MGLL: variants seen among roughly 807,000 people sequenced by gnomAD.
MGLL encodes lysophospholipase homolog.
MGLL carries 7 observed loss-of-function variants against 29.1 expected under a neutral mutation model. That is an observed-to-expected ratio of 0.24 (90% CI 0.14 to 0.45). The LOEUF is 0.45. MGLL is among the 20% of genes least tolerant of loss of function. The pLI, the probability that MGLL is intolerant of heterozygous loss-of-function variation, is 0.99. For synonymous variants in MGLL, 148 were observed against 168.3 expected, an observed-to-expected ratio of 0.88 and a Z score of 0.93; for missense variants, 356 against 413.6, an observed-to-expected ratio of 0.86 and a Z score of 1.21.
chr3:127,812,544 C>A (rs1344820250), intron 2 of MGLL, among the ~76,000 whole-genome samples: 1 of 152,228 alleles, frequency 6.6e-6, no homozygotes, highest in Non-Finnish European at 1.5e-5. Context: ...AGGCTGGAAT[C>A]TGTCAAAAGC....
intron 5 of MGLL, chr3:127,715,827 G>A (rs2075803498): frequency 2.2e-6 from 1 of 456,702 alleles, no homozygotes; most frequent in East Asian, 6.9e-5. Flanking sequence ...AGCACACCAG[G>A]GAAGCCTCAG....
chr3:127,710,466 C>A, intron 6 of MGLL, 110 bp downstream of exon 6: 1 of 1,030,640 alleles, frequency 9.7e-7, no homozygotes, highest in Non-Finnish European at 1.5e-6. Context: ...TCACTTTGCA[C>A]AGGGCCTCGG....
intron 2 of MGLL, among the ~76,000 whole-genome samples, chr3:127,805,758 C>T (rs16835977): frequency 0.011 from 1,637 of 152,302 alleles, 90 homozygotes; most frequent in Admixed American, 0.096. Flanking sequence ...CTGACACTGT[C>T]TATGGCAATA....
intron 3 of MGLL, among the ~76,000 whole-genome samples, chr3:127,752,137 G>T (rs915045513): frequency 2.0e-5 from 3 of 149,246 alleles, no homozygotes; most frequent in Non-Finnish European, 4.4e-5. Context: ...CACTCTTCTT[G>T]CCTAGGCTGG....
chr3:127,769,911 C>T (rs954835325), intron 3 of MGLL, among the ~76,000 whole-genome samples: 2 of 152,164 alleles, frequency 1.3e-5, no homozygotes, highest in South Asian at 2.1e-4. Context: ...CAGTGACCGG[C>T]GCGCGCCATG....
chr3:127,789,680 G>T (rs2077269323), intron 2 of MGLL, among the ~76,000 whole-genome samples: 1 of 151,960 alleles, frequency 6.6e-6, no homozygotes, highest in Non-Finnish European at 1.5e-5. Flanking sequence ...TCCACTCTGG[G>T]TGGCAGAGCA....
intron 2 of MGLL, among the ~76,000 whole-genome samples, chr3:127,782,602 T>C (rs906407995): frequency 6.6e-6 from 1 of 152,162 alleles, no homozygotes; most frequent in Admixed American, 6.5e-5. Context: ...CGGGGGCGAA[T>C]GTGGCAGCAT....
chr3:127,713,502 G>A (rs1366530262), intron 5 of MGLL: 1 of 152,302 alleles, frequency 6.6e-6, no homozygotes, highest in Non-Finnish European at 1.5e-5. Context: ...ATGTAAGCCA[G>A]CTTCCTACCC....
intron 3 of MGLL, among the ~76,000 whole-genome samples, chr3:127,751,870 G>A (rs113696760): frequency 0.022 from 3,379 of 152,314 alleles, 138 homozygotes; most frequent in African/African-American, 0.076. Flanking sequence ...ATGGGCATCT[G>A]GGCTTTCCAA....
chr3:127,788,044 G>A (rs2077243006), intron 2 of MGLL, among the ~76,000 whole-genome samples: 1 of 152,200 alleles, frequency 6.6e-6, no homozygotes, highest in African/African-American at 2.4e-5. Flanking sequence ...ATAGAACAGA[G>A]CCAGTGAAGG....
intron 3 of MGLL, among the ~76,000 whole-genome samples, chr3:127,760,874 C>T (rs964185635): frequency 3.3e-5 from 5 of 152,222 alleles, no homozygotes; most frequent in Non-Finnish European, 5.9e-5. Context: ...TCCATAGGGA[C>T]GTTGCCTGCC....
intron 3 of MGLL, among the ~76,000 whole-genome samples, chr3:127,765,116 C>T (rs2076833847): frequency 6.6e-6 from 1 of 152,244 alleles, no homozygotes; most frequent in Admixed American, 6.5e-5. Context: ...TCCTGAACCA[C>T]AGCAAATAGC....
At chr3:127,788,865 C>A (rs937864270) in intron 2 of MGLL, among the ~76,000 whole-genome samples, 2 of 152,204 alleles carry the variant, frequency 1.3e-5, no homozygotes, top group East Asian at 3.8e-4. Context: ...GCTCCATGAA[C>A]ACTGAATGAA....
At chr3:127,743,823 A>T (rs911565361) in intron 3 of MGLL, among the ~76,000 whole-genome samples, 9 of 152,138 alleles carry the variant, frequency 5.9e-5, no homozygotes, top group African/African-American at 2.2e-4. Flanking sequence ...CCTGGAAAAC[A>T]GTTTGTTTCC....
At chr3:127,731,731 C>G (rs990579622) in intron 3 of MGLL, among the ~76,000 whole-genome samples, 10 of 152,224 alleles carry the variant, frequency 6.6e-5, no homozygotes, top group Non-Finnish European at 2.9e-5. Context: ...CCACAGTTCC[C>G]TCTCCCTCTG....
intron 3 of MGLL, among the ~76,000 whole-genome samples, chr3:127,776,664 G>C (rs1018866964): frequency 6.6e-6 from 1 of 152,212 alleles, no homozygotes; most frequent in South Asian, 2.1e-4. Flanking sequence ...TTGGTCACCA[G>C]ACTCAGGTCC....
At chr3:127,713,114 CCA>C (rs1454255309) in intron 5 of MGLL, 2 of 152,234 alleles carry the variant, frequency 1.3e-5, no homozygotes, top group Non-Finnish European at 2.9e-5. Flanking sequence ...CTTCTGTGTT[CCA>C]CAGTTATGAA....
In MGLL at chr3:127,806,971, T is replaced by C. The variant is rs1256742477; in HGVS notation, c.155+14723A>G. On this transcript the variant is annotated intron_variant, in intron 2 of 7. Transcript: ENST00000265052. ...TTTAGTTTTCTTTTCTTGTGATGTC[T>C]TTGTTTACTTTTATTATCTGGGTAA... Among the ~76,000 whole-genome samples, 3 of 152,364 alleles carry C rather than the reference T, an allele frequency of 2.0e-5. No homozygotes were observed. The East Asian group carries it at 5.8e-4, about 29-fold the overall frequency.
intron 3 of MGLL, among the ~76,000 whole-genome samples, chr3:127,742,976 G>A (rs1315519998): frequency 3.9e-5 from 6 of 152,154 alleles, no homozygotes; most frequent in African/African-American, 7.2e-5. Context: ...CACCATGCCC[G>A]TGTAATTTTT....
Sources: allele counts gnomAD v4.1 joint callset (sites outside exome capture counted in the v4.1 genomes callset), GRCh38; gene constraint gnomAD v4.1.1; transcripts MANE v1.5; gene names NCBI Gene and HGNC (gene_info 2026-07-23, HGNC 2026-07-21).